Variants in NFAM1 observed in about 807,000 individuals in gnomAD.
NFAM1 encodes NFAT activating protein with ITAM motif 1.
Under a neutral mutation model 29.0 loss-of-function variants are expected in NFAM1, and 17 were observed. That is an observed-to-expected ratio of 0.59 (90% CI 0.40 to 0.88). The LOEUF is 0.88. Ranked by LOEUF, NFAM1 falls within the 40% of genes least tolerant of loss-of-function variation. NFAM1 has a pLI of 0.00. For synonymous variants in NFAM1, 175 were observed against 147.2 expected (o/e 1.19, Z -1.36); for missense variants, 324 against 344.6 (o/e 0.94, Z 0.47).
At position 42,383,808 on chromosome 22, in the gene NFAM1, G is replaced by A. The variant is rs1929041215; in HGVS notation, c.*1353C>T. 1 of 152,732 alleles carries A rather than the reference G, an allele frequency of 6.5e-6. No homozygotes were observed. Among genetic ancestry groups the A allele is most frequent in the Non-Finnish European group, 1.5e-5 (1 of 68,090 alleles). The allele number at this position is 152,732 out of a possible 1,614,324, so 9.5% of individuals were successfully genotyped here. A position where few individuals can be genotyped will look rare whatever the true frequency, so the allele number is the denominator to read the frequency against. Reference sequence around the variant, plus strand: ...GCCCACACGGTGGGGTGGGAAGATTGACCTGCCCATTTTACAAATGAGCAA... The same window carrying A: ...GCCCACACGGTGGGGTGGGAAGATTAACCTGCCCATTTTACAAATGAGCAA... On this transcript the variant is annotated 3_prime_UTR_variant, in exon 6 of 6. Coordinates refer to ENST00000329021, the MANE Select transcript of NFAM1 (RefSeq NM_145912.8).
At chr22:42,420,019 T>TCTGAGGCAGAA in intron 1 of NFAM1, among the ~76,000 whole-genome samples, 1 of 112,006 alleles carries the variant, frequency 8.9e-6, no homozygotes, top group South Asian at 3.1e-4. Context: ...TTTTTTTTTT[T>TCTGAGGCAGAA]TTTTTTTCTG....
upstream of NFAM1, among the ~76,000 whole-genome samples, chr22:42,436,474 G>T (rs1430363439): frequency 6.6e-6 from 1 of 152,196 alleles, no homozygotes; most frequent in Non-Finnish European, 1.5e-5. Context: ...GAGCAGCCGG[G>T]TTTACCTCTG....
At chr22:42,402,146 C>T (rs908538499) in intron 3 of NFAM1, among the ~76,000 whole-genome samples, 1 of 152,214 alleles carries the variant, frequency 6.6e-6, no homozygotes, top group Middle Eastern at 3.2e-3. Context: ...GCCTGGGACG[C>T]CTAGGAAGCC....
At chr22:42,390,779 T>C (rs1396589288) in intron 4 of NFAM1, among the ~76,000 whole-genome samples, 1 of 138,698 alleles carries the variant, frequency 7.2e-6, no homozygotes, top group Non-Finnish European at 1.5e-5. Context: ...ATTGTGCCAC[T>C]GCACTCAAGC....
intron 2 of NFAM1, chr22:42,410,403 TA>T: frequency 2.7e-6 from 1 of 375,406 alleles, no homozygotes. Flanking sequence ...CTCATGCCTG[TA>T]ATCCCAACAC....
upstream of NFAM1, among the ~76,000 whole-genome samples, chr22:42,435,913 G>A (rs561149776): frequency 1.3e-5 from 2 of 150,716 alleles, no homozygotes; most frequent in African/African-American, 4.9e-5. Flanking sequence ...TCTGCCTTGC[G>A]GGTTCAAGTG....
At chr22:42,392,755 T>C (rs1929386748) in intron 4 of NFAM1, among the ~76,000 whole-genome samples, 1 of 152,122 alleles carries the variant, frequency 6.6e-6, no homozygotes, top group Admixed American at 6.5e-5. Context: ...CACCCCGAAT[T>C]CATGCTTTTA....
At chr22:42,402,002 G>A (rs959312534) in intron 3 of NFAM1, among the ~76,000 whole-genome samples, 2 of 152,230 alleles carry the variant, frequency 1.3e-5, no homozygotes, top group Admixed American at 6.5e-5. Context: ...CCCAGGTGCT[G>A]GGGACACTAA....
In NFAM1 at chr22:42,380,794, C is replaced by CA. The variant is rs376475566; in HGVS notation, c.*4366dup. 7,652 of 137,100 alleles carry CA rather than the reference C, an allele frequency of 0.056. 244 individuals carry two copies. Among genetic ancestry groups the CA allele is most frequent in the Non-Finnish European group, 0.057 (3,581 of 62,622 alleles). 8.5% of individuals were successfully genotyped at this position (137,100 alleles called of 1,614,324 possible). A position where few individuals can be genotyped will look rare whatever the true frequency, so the allele number is the denominator to read the frequency against. On this transcript the variant is annotated 3_prime_UTR_variant, in exon 6 of 6. Transcript: ENST00000329021. ...GACTTTACATTAGAATGTGCTTTAA[C>CA]AAAAAAAAAAAGAGAGAGAGAGAGA...
intron 3 of NFAM1, among the ~76,000 whole-genome samples, chr22:42,407,802 C>G (rs62238259): frequency 6.6e-6 from 1 of 151,780 alleles, no homozygotes; most frequent in South Asian, 2.1e-4. Flanking sequence ...CTGTTACCCA[C>G]GCTGATATTG....
chr22:42,431,935 C>T (rs1293562815), intron 1 of NFAM1, among the ~76,000 whole-genome samples: 1 of 152,230 alleles, frequency 6.6e-6, no homozygotes, highest in African/African-American at 2.4e-5. Flanking sequence ...CCCCTGGCCC[C>T]AGCCACACAG....
At chr22:42,434,696 C>A (rs1930899496), upstream of NFAM1, among the ~76,000 whole-genome samples, 1 of 152,246 alleles carries the variant, frequency 6.6e-6, no homozygotes, top group Non-Finnish European at 1.5e-5. Flanking sequence ...TGCCCTCAGC[C>A]AGAGCTGTGA....
intron 1 of NFAM1, among the ~76,000 whole-genome samples, chr22:42,425,843 C>T (rs969861295): frequency 3.3e-5 from 5 of 152,192 alleles, no homozygotes; most frequent in African/African-American, 4.8e-5. Flanking sequence ...GTGCCTCAGG[C>T]GAGCTCAGTC....
upstream of NFAM1, chr22:42,437,093 G>A (rs1265940152): frequency 6.1e-6 from 3 of 493,674 alleles, no homozygotes; most frequent in East Asian, 3.0e-4. Flanking sequence ...GAATCTTCAA[G>A]ATCTGGAAGA....
At position 42,385,149 on chromosome 22, in the gene NFAM1, G is replaced by C. The variant is rs183166830; in HGVS notation, c.*12C>G. The C allele has an allele frequency of 1.2e-6, 2 of 1,609,042 alleles. No individual in the cohort carries two copies. The highest frequency in any genetic ancestry group is 3.3e-5 in the Admixed American group (2 of 59,996). On this transcript the variant is annotated 3_prime_UTR_variant, in exon 6 of 6. Coordinates refer to ENST00000329021, the MANE Select transcript of NFAM1 (RefSeq NM_145912.8). ...TGACCCAGGGCAAGCTCTATGAGCG[G>C]TGGAGCCCATCCTAGAGATTTTCAT...
chr22:42,410,670 A>G (rs2147107934), intron 2 of NFAM1, among the ~76,000 whole-genome samples: 1 of 152,164 alleles, frequency 6.6e-6, no homozygotes, highest in African/African-American at 2.4e-5. Flanking sequence ...AAAAAAAAAA[A>G]AAAGAGAGAG....
At chr22:42,398,478 T>A (rs531322057) in intron 3 of NFAM1, among the ~76,000 whole-genome samples, 1 of 151,594 alleles carries the variant, frequency 6.6e-6, no homozygotes, top group South Asian at 2.1e-4. Context: ...AATGGTGCAA[T>A]CTCAGCTTAC....
At position 42,432,289 on chromosome 22, in the gene NFAM1, G is replaced by A. The variant is rs1930833558; in HGVS notation, c.69C>T (p.Ala23=). 6.4e-7 allele frequency: 1 copy of A among 1,573,018 alleles called. No individual in the cohort carries two copies. The highest frequency in any genetic ancestry group is 1.4e-5 in the African/African-American group (1 of 74,028). ...GLPRPPGLPA[A]PWLLLGVLLL... is the part of the protein sequence containing the mutation. ...GCAGCACGCCAAGGAGGAGCCAGGG[G>A]GCTGCGGGGAGCCCAGGAGGGCGTG... Residue 23 remains alanine, a synonymous_variant, in exon 1 of 6, where the codon GCC becomes GCT. Transcript: ENST00000329021.
intron 3 of NFAM1, among the ~76,000 whole-genome samples, chr22:42,407,027 G>A (rs982915896): frequency 6.6e-6 from 1 of 151,586 alleles, no homozygotes; most frequent in African/African-American, 2.4e-5. Context: ...TGCCTGCCTC[G>A]GCCTCCCAAA....
Sources: allele counts gnomAD v4.1 joint callset (sites outside exome capture counted in the v4.1 genomes callset), GRCh38; gene constraint gnomAD v4.1.1; transcripts MANE v1.5; gene names NCBI Gene and HGNC (gene_info 2026-07-23, HGNC 2026-07-21).